Variants in CPSF2 observed in about 807,000 individuals in gnomAD.
The protein encoded by CPSF2 is cleavage and polyadenylation specificity factor subunit 2.
CPSF2 carries 51 observed loss-of-function variants against 84.2 expected under a neutral mutation model. That is an observed-to-expected ratio of 0.61 (90% CI 0.48 to 0.77). The LOEUF is 0.77. CPSF2 is among the 30% of genes least tolerant of loss of function. The probability of loss-of-function intolerance (pLI) is 0.00; values close to 1 mark genes in which losing one functional copy is unlikely to be tolerated. For synonymous variants in CPSF2, 286 were observed against 311.9 expected, an observed-to-expected ratio of 0.92 and a Z score of 0.87; for missense variants, 641 against 929.4, an observed-to-expected ratio of 0.69 and a Z score of 4.03.
At chr14:92,137,450 C>T (rs981542029) in intron 6 of CPSF2, among the ~76,000 whole-genome samples, 1 of 152,182 alleles carries the variant, frequency 6.6e-6, no homozygotes, top group South Asian at 2.1e-4. Context: ...CTCCAGTGAT[C>T]TGCCCACCTC....
At chr14:92,150,438 T>TGTG (rs201965621) in intron 9 of CPSF2, among the ~76,000 whole-genome samples, 2 of 144,034 alleles carry the variant, frequency 1.4e-5, no homozygotes, top group African/African-American at 5.1e-5. Context: ...TGTGTGTGTG[T>TGTG]TTTTTTTTTT....
intron 9 of CPSF2, 63 bp from the exon 10 acceptor site, chr14:92,154,295 C>T (rs1013883114): frequency 1.7e-6 from 2 of 1,144,060 alleles, no homozygotes; most frequent in South Asian, 1.6e-5. Flanking sequence ...TCTCATATCC[C>T]ACTGCTTTAA....
Position 92,156,512 on chromosome 14 carries a change from T to C in CPSF2, c.1476T>C (p.Ala492=). The C allele has an allele frequency of 6.2e-7, 1 of 1,613,016 alleles. No homozygotes were observed. The change falls in exon 12 of 16, where the codon GCT becomes GCC. Residue 492 remains alanine (A), a synonymous_variant. Coordinates refer to ENST00000298875, the MANE Select transcript of CPSF2 (RefSeq NM_017437.3). Reference sequence around the variant, plus strand: ...ATTTCTTAGTGCCAGAGCTTCAAGCTACTGAAGAAGAAAAAAGCAAATTAG... The same window carrying C: ...ATTTCTTAGTGCCAGAGCTTCAAGCCACTGAAGAAGAAAAAAGCAAATTAG... The part of the protein sequence containing the change: ...PEDFLVPELQ[A]TEEEKSKLES...
intron 13 of CPSF2, among the ~76,000 whole-genome samples, chr14:92,158,438 T>TG (rs1424734863): frequency 6.6e-6 from 1 of 152,174 alleles, no homozygotes; most frequent in Non-Finnish European, 1.5e-5. Context: ...TGTCTATATC[T>TG]GGAAGAAATG....
At chr14:92,133,566 C>A (rs1299890930) in intron 3 of CPSF2, among the ~76,000 whole-genome samples, 1 of 151,990 alleles carries the variant, frequency 6.6e-6, no homozygotes, top group Non-Finnish European at 1.5e-5. Flanking sequence ...CCCAAGTGAT[C>A]CTCCCATGTC....
chr14:92,147,862 T>G (rs1314957941), intron 9 of CPSF2, among the ~76,000 whole-genome samples: 1 of 152,210 alleles, frequency 6.6e-6, no homozygotes, highest in African/African-American at 2.4e-5. Context: ...TAGTTCGCAC[T>G]GCAGGCATGT....
Position 92,135,571 on chromosome 14 carries a change from ACAG to A in CPSF2, c.545+76_545+78del. 2.0e-6 allele frequency: 3 copies of A among 1,467,008 alleles called. No homozygotes were observed. In the South Asian group the frequency reaches 4.2e-5, roughly 20 times the overall value. The allele number at this position is 1,467,008 out of a possible 1,614,324, so 90.9% of individuals were successfully genotyped here. A position where few individuals can be genotyped will look rare whatever the true frequency, so the allele number is the denominator to read the frequency against. ...ATTCTTTGGAGAAAAAATAAGAAAC[ACAG>A]TTTTTGTTTTGGTTACCAGAAATTT... On this transcript the variant is annotated intron_variant, in intron 6 of 15. Transcript: ENST00000298875.
chr14:92,133,805 A>G (rs2068965636), intron 3 of CPSF2, among the ~76,000 whole-genome samples: 1 of 152,136 alleles, frequency 6.6e-6, no homozygotes, highest in African/African-American at 2.4e-5. Context: ...CCATATATTT[A>G]AGTGTACCTT....
At chr14:92,122,211 TCCGACCCGGTCTCCC>T in intron 1 of CPSF2, 83 bp downstream of exon 1, 1 of 314,188 alleles carries the variant, frequency 3.2e-6, no homozygotes, top group South Asian at 2.7e-5. Flanking sequence ...GGGCCCCGAC[TCCGACCCGGTCTCCC>T]CCGAGGACTC....
At chr14:92,140,599 A>AT (rs1482788995) in intron 7 of CPSF2, among the ~76,000 whole-genome samples, 1 of 151,046 alleles carries the variant, frequency 6.6e-6, no homozygotes, top group Non-Finnish European at 1.5e-5. Context: ...TGCCCGGCTA[A>AT]TTTTTTGTAT....
At position 92,142,302 on chromosome 14, in the gene CPSF2, C is replaced by A; in HGVS notation, c.800C>A (p.Ala267Glu). Residue 267 changes from alanine to glutamate, a missense_variant, in exon 8 of 16, where the codon GCA becomes GAA. Physicochemically the swap from Ala to Glu is moderately radical, Grantham distance 107. This residue lies in a region of CPSF2 where 211 missense variants were observed against 375.7 expected (regional missense o/e 0.56). Coordinates refer to ENST00000298875, the MANE Select transcript of CPSF2 (RefSeq NM_017437.3). ...GCAGGATTGGGTGTTTACTCATTGG[C>A]ACTCCTAAATAATGTCAGTTACAAT... The part of the protein sequence containing the change: ...KDAGLGVYSL[A>E]LLNNVSYNVV... 6.2e-7 allele frequency: 1 copy of A among 1,613,858 alleles called. No homozygotes were observed.
chr14:92,141,910 G>A (rs1240451390), intron 7 of CPSF2, among the ~76,000 whole-genome samples: 1 of 152,116 alleles, frequency 6.6e-6, no homozygotes, highest in Non-Finnish European at 1.5e-5. Context: ...ATAAAGTGTT[G>A]AGGACTACTG....
In CPSF2 at chr14:92,155,155, T is replaced by C; in HGVS notation, c.1274T>C (p.Ile425Thr). Reference sequence around the variant, plus strand: ...ATAGATTCCAGTGATGAGAGTGATATTGAGGAAGATATTGACCAGCCATCA... The same window carrying C: ...ATAGATTCCAGTGATGAGAGTGATACTGAGGAAGATATTGACCAGCCATCA... ...ADIDSSDESD[I>T]EEDIDQPSAH... Residue 425 changes from isoleucine (I) to threonine (T), a missense_variant, in exon 11 of 16, where the codon ATT becomes ACT. Physicochemically the swap from Ile to Thr is moderately conservative, Grantham distance 89 (BLOSUM62 -1). Transcript: ENST00000298875. 2 of 1,613,818 alleles carry C rather than the reference T, an allele frequency of 1.2e-6. No individual in the cohort carries two copies. The highest frequency in any genetic ancestry group is 1.7e-6 in the Non-Finnish European group (2 of 1,179,766).
At chr14:92,150,276 A>C (rs921200831) in intron 9 of CPSF2, among the ~76,000 whole-genome samples, 3 of 151,440 alleles carry the variant, frequency 2.0e-5, no homozygotes, top group African/African-American at 7.3e-5. Context: ...CACGTTGCCC[A>C]GCTAATTTTT....
At position 92,142,993 on chromosome 14, in the gene CPSF2, C is replaced by T. The variant is rs2069097911; in HGVS notation, c.850-11C>T. ...TATTTCTAATTCTTGTCATCTTTCC[C>T]CCCATGTTAGGTAGAATGGATGAGT... On this transcript the variant is annotated splice_polypyrimidine_tract_variant and intron_variant, in intron 8 of 15. Coordinates refer to ENST00000298875, the MANE Select transcript of CPSF2 (RefSeq NM_017437.3). 1.3e-6 allele frequency: 2 copies of T among 1,585,890 alleles called. No homozygotes were observed. The highest frequency in any genetic ancestry group is 2.7e-5 in the African/African-American group (2 of 73,980).
At position 92,156,481 on chromosome 14, in the gene CPSF2, C is replaced by T. The variant is rs1428899556; in HGVS notation, c.1445C>T (p.Pro482Leu). Residue 482 changes from proline to leucine, a missense_variant and splice_region_variant, in exon 12 of 16, where the codon CCA becomes CTA. Pro to Leu is a moderately conservative substitution (Grantham distance 98, BLOSUM62 -3). Transcript: ENST00000298875. ...CTAATTAGAGACTTATTATTTAGAC[C>T]AGAGGATTTCTTAGTGCCAGAGCTT... The part of the protein sequence containing the change: ...KWDEYGEIIK[P>L]EDFLVPELQA... 1.2e-6 allele frequency: 2 copies of T among 1,608,836 alleles called. No homozygotes were observed. Among genetic ancestry groups the T allele is most frequent in the Middle Eastern group, 1.7e-4 (1 of 6,040 alleles).
At chr14:92,136,933 T>C (rs1476454342) in intron 6 of CPSF2, among the ~76,000 whole-genome samples, 1 of 152,106 alleles carries the variant, frequency 6.6e-6, no homozygotes, top group Non-Finnish European at 1.5e-5. Context: ...GAAAAGACTT[T>C]GTAAGCATAA....
At chr14:92,156,693 A>G (rs1199628831) in intron 12 of CPSF2, 62 bp downstream of exon 12, 50 of 1,263,014 alleles carry the variant, frequency 4.0e-5, no homozygotes, top group Admixed American at 2.4e-5. Context: ...CATTTGAATT[A>G]TATAATTTAC....
intron 7 of CPSF2, among the ~76,000 whole-genome samples, chr14:92,141,440 C>T (rs905797096): frequency 6.6e-6 from 1 of 152,084 alleles, no homozygotes; most frequent in Non-Finnish European, 1.5e-5. Context: ...CAAGCAGTCT[C>T]CCTCTAGCTT....
Sources: gnomAD v4.1 joint callset for allele counts (sites outside exome capture counted in the v4.1 genomes callset) on GRCh38, gnomAD v4.1.1 for gene constraint, gnomAD v4.1.1 regional missense constraint, MANE v1.5 for transcripts, NCBI Gene and HGNC (gene_info 2026-07-23, HGNC 2026-07-21) for gene names.